WAPL: variants seen among roughly 807,000 people sequenced by gnomAD.
The protein encoded by WAPL is wings apart-like protein homolog.
A neutral mutation model predicts 121.0 loss-of-function variants in WAPL; 5 were observed. The observed-to-expected ratio is 0.04, with a 90% CI of 0.02 to 0.09. WAPL has a LOEUF of 0.09. Ranked by LOEUF, WAPL falls within the 10% of genes least tolerant of loss-of-function variation. The pLI is 1.00. For synonymous variants in WAPL, 480 were observed against 481.5 expected, an observed-to-expected ratio of 1.00 and a Z score of 0.04; for missense variants, 999 against 1,410.8, an observed-to-expected ratio of 0.71 and a Z score of 4.68.
intron 2 of WAPL, among the ~76,000 whole-genome samples, chr10:86,514,661 C>T (rs1425333846): frequency 6.6e-6 from 1 of 152,214 alleles, no homozygotes; most frequent in Non-Finnish European, 1.5e-5. Context: ...AATTATCCCA[C>T]TTAGCTGGTT....
chr10:86,446,278 T>C lies in WAPL; in HGVS notation c.3286A>G (p.Lys1096Glu), dbSNP rs770485044. 9 of 1,613,818 alleles carry C rather than the reference T, an allele frequency of 5.6e-6. No homozygotes were observed. The highest frequency in any genetic ancestry group is 2.7e-5 in the African/African-American group (2 of 74,920). ...TCAAGTTCTTCATCCTCCTCCTCCT[T>C]CTTATGTTTCTCTTCTGTACCATCA... is the stretch of plus-strand genomic sequence containing the variant. ...KTDGTEEKHKKEEEDEELDLN... is the reference protein window; with the variant it reads ...KTDGTEEKHKEEEEDEELDLN... Residue 1096 changes from lysine (K) to glutamate (E), a missense_variant, in exon 16 of 19, where the codon AAG becomes GAG. By Grantham distance (56) the Lys-to-Glu change is moderately conservative. This residue lies in a region of WAPL where 126 missense variants were observed against 144.0 expected (regional missense o/e 0.87). Transcript: ENST00000298767.
intron 4 of WAPL, among the ~76,000 whole-genome samples, chr10:86,486,781 C>T (rs942332016): frequency 3.3e-5 from 5 of 151,998 alleles, no homozygotes; most frequent in African/African-American, 1.2e-4. Flanking sequence ...ATGGTGAAAC[C>T]CCATCTCTAC....
chr10:86,454,294 T>G (rs1480420983), intron 12 of WAPL, among the ~76,000 whole-genome samples: 1 of 152,214 alleles, frequency 6.6e-6, no homozygotes, highest in East Asian at 1.9e-4. Flanking sequence ...TTAATTTAAG[T>G]TCATTCAAAT....
At chr10:86,465,245 T>C (rs1177344237) in intron 9 of WAPL, among the ~76,000 whole-genome samples, 2 of 152,116 alleles carry the variant, frequency 1.3e-5, no homozygotes, top group East Asian at 1.9e-4. Flanking sequence ...CAGGATGGAG[T>C]GCAGTGGCGC....
At chr10:86,451,940 G>T in intron 15 of WAPL, 27 bp downstream of exon 15, 1 of 1,607,902 alleles carries the variant, frequency 6.2e-7, no homozygotes, top group Non-Finnish European at 8.5e-7. Flanking sequence ...CTGCAGTTAT[G>T]AGTTTGTTTT....
intron 3 of WAPL, among the ~76,000 whole-genome samples, chr10:86,498,292 T>C (rs1158987604): frequency 6.6e-6 from 1 of 152,202 alleles, no homozygotes. Flanking sequence ...AGGAAACAAA[T>C]GCCTAGCTGT....
chr10:86,499,851 A>T lies in WAPL; in HGVS notation c.1392T>A (p.Asp464Glu). The change falls in exon 3 of 19, where the codon GAT (aspartate) becomes GAA (glutamate). Residue 464 changes from aspartate to glutamate, a missense_variant. By Grantham distance (45) the Asp-to-Glu change is conservative. Transcript: ENST00000298767. Reference protein sequence around the residue: ...GFDDLSESEDDEDDDCQVERK... With the variant: ...GFDDLSESEDEEDDDCQVERK... ...TTTCTACTTGACAGTCATCATCTTC[A>T]TCATCTTCGCTTTCACTGAGATCAT... The T allele has an allele frequency of 6.2e-7, 1 of 1,614,012 alleles. No individual in the cohort carries two copies.
chr10:86,454,429 C>T (rs1022653540), intron 12 of WAPL, among the ~76,000 whole-genome samples: 1 of 152,152 alleles, frequency 6.6e-6, no homozygotes, highest in South Asian at 2.1e-4. Flanking sequence ...TGATGCCAAG[C>T]CGAGGCTGGA....
intron 12 of WAPL, among the ~76,000 whole-genome samples, chr10:86,458,510 G>A (rs949175836): frequency 6.6e-6 from 1 of 152,080 alleles, no homozygotes; most frequent in African/African-American, 2.4e-5. Flanking sequence ...TTTACTATAC[G>A]CCAAGTACTG....
chr10:86,504,672 A>G (rs905182817), intron 2 of WAPL, among the ~76,000 whole-genome samples: 3 of 151,694 alleles, frequency 2.0e-5, no homozygotes, highest in African/African-American at 7.3e-5. Flanking sequence ...AGAAAAAGGA[A>G]TAACAGGGAC....
At chr10:86,450,305 G>A (rs558122501) in intron 15 of WAPL, among the ~76,000 whole-genome samples, 2 of 151,974 alleles carry the variant, frequency 1.3e-5, no homozygotes, top group East Asian at 1.9e-4. Flanking sequence ...CTGTAATCAC[G>A]GCTCACGACA....
intron 8 of WAPL, among the ~76,000 whole-genome samples, chr10:86,468,329 C>T (rs548351558): frequency 6.6e-6 from 1 of 152,218 alleles, no homozygotes; most frequent in South Asian, 2.1e-4. Context: ...TCCCAAGTAG[C>T]TGGGACAACC....
At chr10:86,450,572 C>A (rs1840952870) in intron 15 of WAPL, among the ~76,000 whole-genome samples, 1 of 152,126 alleles carries the variant, frequency 6.6e-6, no homozygotes, top group African/African-American at 2.4e-5. Flanking sequence ...TAAATGTTGT[C>A]AATGGGATCA....
At chr10:86,520,068 G>A (rs1005079188) in intron 1 of WAPL, among the ~76,000 whole-genome samples, 10 of 152,200 alleles carry the variant, frequency 6.6e-5, no homozygotes, top group African/African-American at 2.4e-4. Context: ...AGCCAAGACG[G>A]GCAGATCACC....
chr10:86,480,568 T>C (rs1002116631), intron 4 of WAPL, among the ~76,000 whole-genome samples: 1 of 152,170 alleles, frequency 6.6e-6, no homozygotes, highest in Admixed American at 6.5e-5. Context: ...TAAATATTGA[T>C]GACAAGTTGT....
chr10:86,445,527 CTTTT>C (rs139652925), intron 16 of WAPL, among the ~76,000 whole-genome samples: 1 of 146,702 alleles, frequency 6.8e-6, no homozygotes, highest in Non-Finnish European at 1.5e-5. Context: ...CCTCTAGTAT[CTTTT>C]TTTTTTTTAA....
In WAPL at chr10:86,453,695, C is replaced by A. The variant is rs1432714599; in HGVS notation, c.2794G>T (p.Ala932Ser). Residue 932 changes from alanine to serine, a missense_variant, in exon 13 of 19, where the codon GCC becomes TCC. Physicochemically the swap from Ala to Ser is moderately conservative, Grantham distance 99 (BLOSUM62 1). Coordinates refer to ENST00000298767, the MANE Select transcript of WAPL (RefSeq NM_015045.5). Reference protein sequence around the residue: ...VGKAVEDCMRAIIGVLLNLTN... With the variant: ...VGKAVEDCMRSIIGVLLNLTN... ...AAATTAAGCAACACCCCGATGATGG[C>A]CCTCATGCAGTCCTCCACTGCTTTG... The A allele has an allele frequency of 1.2e-6, 2 of 1,610,122 alleles. No individual in the cohort carries two copies. Among genetic ancestry groups the A allele is most frequent in the African/African-American group, 2.7e-5 (2 of 74,682 alleles).
chr10:86,484,839 T>C (rs138227544), intron 4 of WAPL, among the ~76,000 whole-genome samples: 1 of 152,198 alleles, frequency 6.6e-6, no homozygotes, highest in Non-Finnish European at 1.5e-5. Flanking sequence ...ATAGCCTAGG[T>C]GTGTGGCAGA....
In WAPL at chr10:86,467,266, A is replaced by AG. The variant is rs1564570509; in HGVS notation, c.2370+12dup. 3 of 1,608,940 alleles carry AG rather than the reference A, an allele frequency of 1.9e-6. No homozygotes were observed. The highest frequency in any genetic ancestry group is 2.2e-5 in the South Asian group (2 of 90,772). The stretch of plus-strand genomic sequence containing the variant: ...GTAATTCTCATCTTAGAAGGAAGGA[A>AG]GAAGGAACCCACCGTTATATTTTCT... On this transcript the variant is annotated intron_variant, in intron 9 of 18. Coordinates refer to ENST00000298767, the MANE Select transcript of WAPL (RefSeq NM_015045.5).
Sources: allele counts gnomAD v4.1 joint callset (sites outside exome capture counted in the v4.1 genomes callset), GRCh38; gene constraint gnomAD v4.1.1; regional missense constraint gnomAD v4.1.1; transcripts MANE v1.5; gene names NCBI Gene and HGNC (gene_info 2026-07-23, HGNC 2026-07-21).